The following ARPP21 variants were observed in gnomAD, a reference collection of about 807,000 sequenced individuals.
ARPP21 encodes the protein cAMP-regulated phosphoprotein 21.
In ARPP21, 69 loss-of-function variants were observed where a neutral mutation model predicts 113.2. That is an observed-to-expected ratio of 0.61 (90% CI 0.50 to 0.74). ARPP21 has a LOEUF of 0.74. Among genes scored for constraint, ARPP21 ranks in the 30% least tolerant of loss-of-function variants. The probability of loss-of-function intolerance (pLI) is 0.00; values close to 1 mark genes in which losing one functional copy is unlikely to be tolerated. For synonymous variants in ARPP21, 368 were observed against 375.5 expected, an observed-to-expected ratio of 0.98 and a Z score of 0.23; for missense variants, 1,070 against 1,037.4, an observed-to-expected ratio of 1.03 and a Z score of -0.43.
At chr3:35,761,322 G>A (rs528906797) in intron 19 of ARPP21, among the ~76,000 whole-genome samples, 5 of 152,166 alleles carry the variant, frequency 3.3e-5, no homozygotes, top group African/African-American at 1.2e-4. Flanking sequence ...TTTAGATGTA[G>A]GTAAGGTACG....
chr3:35,663,556 T>C (rs1708792916), intron 1 of ARPP21, among the ~76,000 whole-genome samples: 1 of 152,218 alleles, frequency 6.6e-6, no homozygotes, highest in Admixed American at 6.5e-5. Flanking sequence ...TCCAGAGAAA[T>C]TTTTAATAGC....
chr3:35,664,526 T>C (rs1709296378), intron 1 of ARPP21, among the ~76,000 whole-genome samples: 1 of 152,198 alleles, frequency 6.6e-6, no homozygotes, highest in South Asian at 2.1e-4. Context: ...CAGGTGGCTC[T>C]GCCAGAGCGT....
intron 19 of ARPP21, among the ~76,000 whole-genome samples, chr3:35,746,576 T>G (rs1346801848): frequency 6.6e-6 from 1 of 152,232 alleles, no homozygotes; most frequent in Non-Finnish European, 1.5e-5. Context: ...TTCTTCCTCC[T>G]GCCTCCTGCA....
chr3:35,786,999 A>G (rs1233059016), intron 19 of ARPP21, among the ~76,000 whole-genome samples: 1 of 152,216 alleles, frequency 6.6e-6, no homozygotes, highest in African/African-American at 2.4e-5. Context: ...AGATGAAGCT[A>G]GAAAATATTT....
rs777434867 is a variant in ARPP21 at position 35,667,885 on chromosome 3, A to AGAAGAAGAAGAAGAAGAAGAAGAG, written c.-212-11897_-212-11896insAGAAGAAGAAGAAGAAGAGGAAGA. ...AAGAAGAAGAAGAAGAAGAAGAAGA[A>AGAAGAAGAAGAAGAAGAAGAAGAG]GAAGAGGAAGAGGAAGAGGAAGAGG... is the stretch of plus-strand genomic sequence containing the variant. On this transcript the variant is annotated intron_variant, in intron 1 of 20. Transcript: ENST00000684406. 7.7e-4 allele frequency among the ~76,000 whole-genome samples: 75 copies of AGAAGAAGAAGAAGAAGAAGAAGAG among 97,698 alleles called. 3 individuals carry two copies. Among genetic ancestry groups the AGAAGAAGAAGAAGAAGAAGAAGAG allele is most frequent in the South Asian group, 2.5e-3 (8 of 3,260 alleles). 64.1% of individuals were successfully genotyped at this position (97,698 alleles called of 152,430 possible). A position where few individuals can be genotyped will look rare whatever the true frequency, so the allele number is the denominator to read the frequency against.
intron 1 of ARPP21, chr3:35,651,737 T>G (rs1702477943): frequency 6.6e-6 from 1 of 152,082 alleles, no homozygotes; most frequent in Admixed American, 6.6e-5. Flanking sequence ...TTTTTTCTGG[T>G]GATCATAGTT....
chr3:35,692,051 A>G (rs189198167), intron 9 of ARPP21, among the ~76,000 whole-genome samples: 1 of 151,672 alleles, frequency 6.6e-6, no homozygotes, highest in Non-Finnish European at 1.5e-5. Context: ...TAGTGAAGAG[A>G]GCACAAACTG....
chr3:35,687,807 C>A lies in ARPP21; in HGVS notation c.330C>A (p.Asp110Glu), dbSNP rs763495635. ...LQEEDKSRKD[D>E]SEREKEKDKN... ...AGGAGGATAAATCTAGGAAAGATGA[C>A]TCTGAAAGAGAAAAAGAAAAGGATA... The change falls in exon 6 of 21, where the codon GAC becomes GAA. Residue 110 changes from aspartate (D) to glutamate (E), a missense_variant. Asp to Glu is a conservative substitution (Grantham distance 45, BLOSUM62 2). Transcript: ENST00000684406. The A allele has an allele frequency of 7.5e-6, 12 of 1,604,996 alleles. No individual in the cohort carries two copies. Among genetic ancestry groups the A allele is most frequent in the African/African-American group, 1.4e-5 (1 of 74,046 alleles).
At chr3:35,738,379 C>T (rs1054205182) in intron 17 of ARPP21, 61 bp downstream of exon 17, 1 of 1,399,134 alleles carries the variant, frequency 7.1e-7, no homozygotes, top group Non-Finnish European at 9.8e-7. Context: ...GATTTTACTA[C>T]TTTTTTGTGT....
chr3:35,772,990 TA>T (rs1255614994), intron 19 of ARPP21, among the ~76,000 whole-genome samples: 1 of 152,194 alleles, frequency 6.6e-6, no homozygotes, highest in East Asian at 1.9e-4. Flanking sequence ...CAAAGTGAGA[TA>T]AAAAGGATTT....
chr3:35,641,609 TA>T (rs1698111785), intron 1 of ARPP21: 1 of 152,224 alleles, frequency 6.6e-6, no homozygotes, highest in African/African-American at 2.4e-5. Context: ...AGTAATCTAC[TA>T]TCTTGGCAGT....
At chr3:35,688,018 G>A in intron 6 of ARPP21, 135 bp downstream of exon 6, 1 of 744,176 alleles carries the variant, frequency 1.3e-6, no homozygotes, top group Admixed American at 3.1e-5. Context: ...GTATCTGTGT[G>A]TGTGTAAAAA....
intron 9 of ARPP21, among the ~76,000 whole-genome samples, chr3:35,703,278 G>GTCAA (rs2087221676): frequency 6.6e-6 from 1 of 151,702 alleles, no homozygotes; most frequent in South Asian, 2.1e-4. Flanking sequence ...AAGCTTCAAG[G>GTCAA]GGGAAAAAAC....
chr3:35,662,512 G>A (rs983183328), intron 1 of ARPP21, among the ~76,000 whole-genome samples: 38 of 152,270 alleles, frequency 2.5e-4, no homozygotes, highest in African/African-American at 9.1e-4. Flanking sequence ...ACAGGGAGGG[G>A]AGCAGGACTG....
intron 19 of ARPP21, among the ~76,000 whole-genome samples, chr3:35,748,122 AAAGAAAAG>A (rs1389195234): frequency 6.9e-6 from 1 of 145,568 alleles, no homozygotes; most frequent in African/African-American, 2.5e-5. Context: ...AGAAAGAAAG[AAAGAAAAG>A]AAAGAAAGGG....
At chr3:35,656,446 G>T (rs1269725586) in intron 1 of ARPP21, among the ~76,000 whole-genome samples, 1 of 152,050 alleles carries the variant, frequency 6.6e-6, no homozygotes, top group Admixed American at 6.6e-5. Context: ...TGGATAAACT[G>T]CAGTACATCC....
At chr3:35,757,856 T>A (rs192117179) in intron 19 of ARPP21, among the ~76,000 whole-genome samples, 1 of 152,256 alleles carries the variant, frequency 6.6e-6, no homozygotes, top group Admixed American at 6.5e-5. Flanking sequence ...TACACTTGAT[T>A]CTGATTTCTG....
At chr3:35,684,802 T>G (rs867154498) in intron 5 of ARPP21, 3 of 984,814 alleles carry the variant, frequency 3.0e-6, no homozygotes, top group Middle Eastern at 5.2e-4. Flanking sequence ...AAGAGAGTGT[T>G]TTTTTTTCTA....
At chr3:35,705,410 T>G (rs1182129021) in intron 9 of ARPP21, among the ~76,000 whole-genome samples, 1 of 152,234 alleles carries the variant, frequency 6.6e-6, no homozygotes, top group Non-Finnish European at 1.5e-5. Flanking sequence ...ACAGGTTTAC[T>G]TCTTTAGAAT....
Sources: gnomAD v4.1 joint callset for allele counts (sites outside exome capture counted in the v4.1 genomes callset) on GRCh38, gnomAD v4.1.1 for gene constraint, MANE v1.5 for transcripts, NCBI Gene and HGNC (gene_info 2026-07-23, HGNC 2026-07-21) for gene names.